CUL3: variants seen among roughly 807,000 people sequenced by gnomAD.
The protein encoded by CUL3 is cullin 3, also known as cullin-3.
CUL3 carries 19 observed loss-of-function variants against 89.1 expected under a neutral mutation model. That is an observed-to-expected ratio of 0.21 (90% CI 0.15 to 0.31). The LOEUF (loss-of-function observed/expected upper bound fraction) is 0.31. CUL3 is among the 10% of genes least tolerant of loss of function. CUL3 has a pLI of 1.00. For missense variants in CUL3, 469 were observed against 942.3 expected, an observed-to-expected ratio of 0.50 and a Z score of 6.58; for synonymous variants, 351 against 308.4, an observed-to-expected ratio of 1.14 and a Z score of -1.45.
chr2:224,583,589 TTTAA>T (rs1483848199), intron 1 of CUL3, among the ~76,000 whole-genome samples: 1 of 152,238 alleles, frequency 6.6e-6, no homozygotes, highest in Non-Finnish European at 1.5e-5. Flanking sequence ...TCAAAAAATC[TTTAA>T]TTATTATCAA....
At chr2:224,487,347 T>C (rs188823025) in intron 13 of CUL3, among the ~76,000 whole-genome samples, 2 of 149,540 alleles carry the variant, frequency 1.3e-5, no homozygotes, top group East Asian at 4.0e-4. Context: ...TCAAGGCCTA[T>C]CAGTGTGCTG....
intron 2 of CUL3, among the ~76,000 whole-genome samples, chr2:224,536,950 A>G (rs1354373173): frequency 6.6e-6 from 1 of 152,118 alleles, no homozygotes; most frequent in Non-Finnish European, 1.5e-5. Context: ...AATCCAACCA[A>G]CCTTCCATAA....
At chr2:224,524,720 G>A (rs1693401821) in intron 3 of CUL3, among the ~76,000 whole-genome samples, 1 of 151,970 alleles carries the variant, frequency 6.6e-6, no homozygotes, top group Non-Finnish European at 1.5e-5. Flanking sequence ...ATCATGCAGG[G>A]CCTCCACAAT....
At chr2:224,568,139 A>G (rs1051376909) in intron 1 of CUL3, among the ~76,000 whole-genome samples, 3 of 152,152 alleles carry the variant, frequency 2.0e-5, no homozygotes, top group Non-Finnish European at 4.4e-5. Flanking sequence ...GCTAGGTGTC[A>G]TAACCTCTAG....
intron 3 of CUL3, among the ~76,000 whole-genome samples, chr2:224,523,387 T>A (rs1460848089): frequency 2.1e-5 from 3 of 144,822 alleles, no homozygotes; most frequent in African/African-American, 5.1e-5. Flanking sequence ...AGAGTTACTA[T>A]AAAAAAAAAA....
chr2:224,490,837 T>C (rs1161334396), intron 13 of CUL3, among the ~76,000 whole-genome samples: 1 of 152,186 alleles, frequency 6.6e-6, no homozygotes, highest in Non-Finnish European at 1.5e-5. Context: ...TTGTATACTT[T>C]TTAATAACAG....
rs2106195004 is a variant in CUL3, at chr2:224,503,089, C to A, written c.1378-17G>T. 7.4e-7 allele frequency: 1 copy of A among 1,347,186 alleles called. No homozygotes were observed. The highest frequency in any genetic ancestry group is 1.2e-5 in the South Asian group (1 of 83,836). 83.5% of individuals were successfully genotyped at this position (1,347,186 alleles called of 1,614,324 possible). ...ACATTCAGTCTGTGGAGGAAAAACA[C>A]AAATATACACAAATAAATGGTAGAT... On this transcript the variant is annotated splice_polypyrimidine_tract_variant and intron_variant, in intron 9 of 15. Transcript: ENST00000264414.
chr2:224,498,609 T>C (rs1271806954), intron 11 of CUL3, among the ~76,000 whole-genome samples: 3 of 152,178 alleles, frequency 2.0e-5, no homozygotes, highest in Non-Finnish European at 2.9e-5. Flanking sequence ...ATAAAACTAG[T>C]TGGACAGCAG....
intron 14 of CUL3, among the ~76,000 whole-genome samples, chr2:224,480,557 C>G (rs984971645): frequency 6.6e-6 from 1 of 152,096 alleles, no homozygotes; most frequent in South Asian, 2.1e-4. Context: ...ACACTTAACA[C>G]GAAAATCTAA....
chr2:224,575,059 G>A (rs929247166), intron 1 of CUL3, among the ~76,000 whole-genome samples: 2 of 152,192 alleles, frequency 1.3e-5, no homozygotes, highest in Admixed American at 1.3e-4. Context: ...TGAGACCAGA[G>A]GGAAGGAGTC....
At chr2:224,560,510 A>G (rs1376629994) in intron 1 of CUL3, 1 of 153,028 alleles carries the variant, frequency 6.5e-6, no homozygotes, top group East Asian at 1.9e-4. Context: ...AGCTGAACAA[A>G]TGTCCACTCC....
intron 2 of CUL3, among the ~76,000 whole-genome samples, chr2:224,546,189 T>C (rs1313298569): frequency 6.6e-6 from 1 of 152,158 alleles, no homozygotes; most frequent in East Asian, 1.9e-4. Context: ...ATTAGTATCA[T>C]GGTTAAACTT....
At chr2:224,498,955 T>A (rs1455505612) in intron 11 of CUL3, among the ~76,000 whole-genome samples, 1 of 152,232 alleles carries the variant, frequency 6.6e-6, no homozygotes, top group African/African-American at 2.4e-5. Flanking sequence ...AGCACCAGAA[T>A]GTTCGAGGCT....
chr2:224,544,814 G>GT, intron 2 of CUL3, among the ~76,000 whole-genome samples: 1 of 151,388 alleles, frequency 6.6e-6, no homozygotes, highest in African/African-American at 2.4e-5. Context: ...TGACAGAACT[G>GT]TTTGAGAAAA....
chr2:224,501,257 T>C (rs1692376613), intron 10 of CUL3, among the ~76,000 whole-genome samples: 2 of 152,242 alleles, frequency 1.3e-5, no homozygotes, highest in Non-Finnish European at 2.9e-5. Flanking sequence ...CTTTTACGTT[T>C]TAGCATGTAG....
At chr2:224,553,403 A>G (rs532958685) in intron 2 of CUL3, among the ~76,000 whole-genome samples, 1 of 152,364 alleles carries the variant, frequency 6.6e-6, no homozygotes, top group East Asian at 1.9e-4. Flanking sequence ...ATGATCATTA[A>G]TGACTATGTA....
At chr2:224,534,545 T>C (rs969534361) in intron 3 of CUL3, among the ~76,000 whole-genome samples, 1 of 152,228 alleles carries the variant, frequency 6.6e-6, no homozygotes, top group African/African-American at 2.4e-5. Flanking sequence ...CTCATTGTCA[T>C]TTAACAACTC....
At chr2:224,583,071 C>T (rs551677864) in intron 1 of CUL3, among the ~76,000 whole-genome samples, 9 of 152,272 alleles carry the variant, frequency 5.9e-5, no homozygotes, top group African/African-American at 2.2e-4. Flanking sequence ...AGGCTGCACA[C>T]ACTGCTAGAA....
At chr2:224,535,874 G>A (rs1693879922) in intron 2 of CUL3, among the ~76,000 whole-genome samples, 1 of 152,066 alleles carries the variant, frequency 6.6e-6, no homozygotes, top group African/African-American at 2.4e-5. Flanking sequence ...CAACTTCCTA[G>A]GTATTTCCCA....
Sources: allele counts gnomAD v4.1 joint callset (sites outside exome capture counted in the v4.1 genomes callset), GRCh38; gene constraint gnomAD v4.1.1; transcripts MANE v1.5; gene names NCBI Gene and HGNC (gene_info 2026-07-23, HGNC 2026-07-21).